OTUD3: variants seen among roughly 807,000 people sequenced by gnomAD.
The protein encoded by OTUD3 is OTU domain-containing protein 3.
Under a neutral mutation model 46.2 loss-of-function variants are expected in OTUD3, and 24 were observed. The ratio of observed to expected loss-of-function variants is 0.52; its 90% CI spans 0.38 to 0.73. The LOEUF is 0.73. Ranked by LOEUF, OTUD3 falls within the 30% of genes least tolerant of loss-of-function variation. The probability of loss-of-function intolerance (pLI) is 0.00; values close to 1 mark genes in which losing one functional copy is unlikely to be tolerated. For missense variants in OTUD3, 455 were observed against 523.3 expected (o/e 0.87, Z 1.27); for synonymous variants, 189 against 195.4 (o/e 0.97, Z 0.27).
chr1:19,882,801 G>A, intron 1 of OTUD3, 67 bp downstream of exon 1: 1 of 1,228,888 alleles, frequency 8.1e-7, no homozygotes, highest in South Asian at 2.9e-5. Flanking sequence ...GGCGACCGTT[G>A]CCCGCTCGCG....
At chr1:19,890,718 T>G (rs1413137912) in intron 2 of OTUD3, among the ~76,000 whole-genome samples, 185 bp downstream of exon 2, 2 of 152,234 alleles carry the variant, frequency 1.3e-5, no homozygotes, top group Non-Finnish European at 2.9e-5. Flanking sequence ...ATCAGTAGGT[T>G]TAGCTGTATA....
intron 7 of OTUD3, 142 bp downstream of exon 7, chr1:19,906,758 C>T (rs2100324419): frequency 2.7e-6 from 2 of 727,738 alleles, no homozygotes; most frequent in Admixed American, 3.0e-5. Context: ...CATAAAGCTA[C>T]ATCAAGAAGC....
At chr1:19,885,168 G>C (rs1030274128) in intron 1 of OTUD3, among the ~76,000 whole-genome samples, 1 of 152,128 alleles carries the variant, frequency 6.6e-6, no homozygotes, top group Non-Finnish European at 1.5e-5. Flanking sequence ...AGAAGTAACG[G>C]GCAGTGAAGC....
At chr1:19,892,736 C>G (rs1348645013) in intron 2 of OTUD3, among the ~76,000 whole-genome samples, 1 of 152,164 alleles carries the variant, frequency 6.6e-6, no homozygotes, top group East Asian at 1.9e-4. Context: ...GCTTAGATTT[C>G]CTCCATACTG....
In OTUD3 at chr1:19,911,514, T is replaced by G. The variant is rs1278423341; in HGVS notation, c.*3768T>G. The G allele has an allele frequency of 6.6e-6, 1 of 151,346 alleles. No homozygotes were observed. The highest frequency in any genetic ancestry group is 1.5e-5 in the Non-Finnish European group (1 of 67,940). The allele number at this position is 151,346 out of a possible 1,614,324, so 9.4% of individuals were successfully genotyped here. On this transcript the variant is annotated 3_prime_UTR_variant, in exon 8 of 8. Coordinates refer to ENST00000375120, the MANE Select transcript of OTUD3 (RefSeq NM_015207.2). ...AAGCGATTCTCCTGCCTCAGCCTCCTGAGTAGCTGGGATTACAGGTGTGTG... is the reference window on the plus strand; with the variant it reads ...AAGCGATTCTCCTGCCTCAGCCTCCGGAGTAGCTGGGATTACAGGTGTGTG...
intron 4 of OTUD3, among the ~76,000 whole-genome samples, chr1:19,902,045 G>T (rs1423112206): frequency 6.6e-6 from 1 of 152,078 alleles, no homozygotes; most frequent in Admixed American, 6.5e-5. Flanking sequence ...GGAATTGCTG[G>T]GTCATATGAT....
intron 2 of OTUD3, among the ~76,000 whole-genome samples, chr1:19,893,785 T>C (rs941487270): frequency 5.3e-5 from 8 of 152,214 alleles, no homozygotes; most frequent in Admixed American, 2.6e-4. Context: ...CCTGAAGTAC[T>C]TGTGCATCAT....
intron 6 of OTUD3, 30 bp from the exon 7 acceptor site, chr1:19,906,402 C>T (rs1468754479): frequency 6.2e-7 from 1 of 1,605,328 alleles, no homozygotes; most frequent in Admixed American, 1.7e-5. Flanking sequence ...CTCAGGTTCT[C>T]AGTTTTAATG....
chr1:19,887,009 G>A (rs867963159), intron 1 of OTUD3, among the ~76,000 whole-genome samples: 1 of 151,574 alleles, frequency 6.6e-6, no homozygotes. Context: ...TTAAGCTATT[G>A]TATCTAAAAT....
intron 3 of OTUD3, 33 bp from the exon 4 acceptor site, chr1:19,897,507 C>T (rs1443800925): frequency 5.0e-6 from 8 of 1,611,330 alleles, no homozygotes; most frequent in Non-Finnish European, 6.8e-6. Flanking sequence ...GTGTTCAGAT[C>T]CTCACTGGCA....
chr1:19,893,401 C>A (rs917265801), intron 2 of OTUD3, among the ~76,000 whole-genome samples: 2 of 152,182 alleles, frequency 1.3e-5, no homozygotes, highest in Non-Finnish European at 2.9e-5. Context: ...ATAGGACAGT[C>A]TGGAAAGGTT....
intron 4 of OTUD3, among the ~76,000 whole-genome samples, chr1:19,903,116 C>CGG: frequency 7.3e-6 from 1 of 136,520 alleles, no homozygotes; most frequent in South Asian, 2.4e-4. Context: ...GGTGTGATCT[C>CGG]GGCTCACTGC....
At chr1:19,900,998 C>T (rs887236586) in intron 4 of OTUD3, among the ~76,000 whole-genome samples, 1 of 149,742 alleles carries the variant, frequency 6.7e-6, no homozygotes. Context: ...CAACCTCTGC[C>T]TCCCGGGTTC....
chr1:19,905,745 AAAAG>A (rs1400367216), intron 6 of OTUD3, among the ~76,000 whole-genome samples: 3 of 150,936 alleles, frequency 2.0e-5, no homozygotes, highest in African/African-American at 7.5e-5. Context: ...CCTCTCAAAA[AAAAG>A]AGAAAAGGAT....
chr1:19,882,530 C>G lies in OTUD3; in HGVS notation c.17C>G (p.Ala6Gly). 7.4e-7 allele frequency: 1 copy of G among 1,343,710 alleles called. No individual in the cohort carries two copies. The highest frequency in any genetic ancestry group is 2.0e-5 in the South Asian group (1 of 50,264). The allele number at this position is 1,343,710 out of a possible 1,614,324, so 83.2% of individuals were successfully genotyped here. A position where few individuals can be genotyped will look rare whatever the true frequency, so the allele number is the denominator to read the frequency against. ...GCTAAGGCCATGTCCCGAAAGCAGG[C>G]GGCGAAGAGCCGGCCGGGCAGCGGC... MSRKQ[A>G]AKSRPGSGSR... Residue 6 changes from alanine (A) to glycine (G), a missense_variant, in exon 1 of 8, where the codon GCG (alanine) becomes GGG (glycine). By Grantham distance (60) the Ala-to-Gly change is moderately conservative. Transcript: ENST00000375120.
intron 4 of OTUD3, among the ~76,000 whole-genome samples, chr1:19,900,967 C>T (rs537950027): frequency 3.4e-5 from 5 of 145,846 alleles, no homozygotes; most frequent in Non-Finnish European, 7.5e-5. Context: ...GCCCTGTTGC[C>T]CAGGCTGGAG....
intron 4 of OTUD3, among the ~76,000 whole-genome samples, chr1:19,902,123 C>T (rs373393582): frequency 1.8e-4 from 28 of 152,312 alleles, no homozygotes; most frequent in Admixed American, 1.3e-3. Context: ...GTTTTACTTG[C>T]CACCGGTAAT....
rs958673801 is a variant in OTUD3, at chr1:19,882,513, C to T, written c.-1C>T. 1.5e-6 allele frequency: 2 copies of T among 1,352,098 alleles called. No homozygotes were observed. Among genetic ancestry groups the T allele is most frequent in the East Asian group, 3.1e-5 (1 of 32,616 alleles). The allele number at this position is 1,352,098 out of a possible 1,614,324, so 83.8% of individuals were successfully genotyped here. ...GCCGCTGGGGACTGCAGGCTAAGGC[C>T]ATGTCCCGAAAGCAGGCGGCGAAGA... On this transcript the variant is annotated 5_prime_UTR_variant, in exon 1 of 8. Coordinates refer to ENST00000375120, the MANE Select transcript of OTUD3 (RefSeq NM_015207.2).
At chr1:19,886,544 AG>A (rs1403231146) in intron 1 of OTUD3, among the ~76,000 whole-genome samples, 1 of 152,144 alleles carries the variant, frequency 6.6e-6, no homozygotes, top group Non-Finnish European at 1.5e-5. Flanking sequence ...GAAACAATTC[AG>A]GGCCTGGGCT....
Sources: gnomAD v4.1 joint callset for allele counts (sites outside exome capture counted in the v4.1 genomes callset) on GRCh38, gnomAD v4.1.1 for gene constraint, MANE v1.5 for transcripts, NCBI Gene and HGNC (gene_info 2026-07-23, HGNC 2026-07-21) for gene names.